RCOR1: variants seen among roughly 807,000 people sequenced by gnomAD.
RCOR1 encodes REST corepressor 1, also known as REST corepressor.
A neutral mutation model predicts 64.0 loss-of-function variants in RCOR1; 12 were observed. That is an observed-to-expected ratio of 0.19 (90% CI 0.12 to 0.30). The LOEUF is 0.30. Among genes scored for constraint, RCOR1 ranks in the 10% least tolerant of loss-of-function variants. The probability of loss-of-function intolerance (pLI) is 1.00; values close to 1 mark genes in which losing one functional copy is unlikely to be tolerated. For missense variants in RCOR1, 502 were observed against 621.2 expected, an observed-to-expected ratio of 0.81 and a Z score of 2.04; for synonymous variants, 279 against 227.2, an observed-to-expected ratio of 1.23 and a Z score of -2.05.
intron 2 of RCOR1, among the ~76,000 whole-genome samples, chr14:102,642,557 G>A (rs1442312916): frequency 1.3e-5 from 2 of 152,178 alleles, no homozygotes; most frequent in East Asian, 3.8e-4. Context: ...AATCTGGGCT[G>A]GGCATGGTGG....
intron 2 of RCOR1, among the ~76,000 whole-genome samples, chr14:102,674,864 T>C (rs1895107546): frequency 6.6e-6 from 1 of 151,800 alleles, no homozygotes; most frequent in African/African-American, 2.4e-5. Flanking sequence ...CATGAGACCA[T>C]CCTGGCTAAC....
At chr14:102,612,846 A>G (rs532929458) in intron 2 of RCOR1, among the ~76,000 whole-genome samples, 13 of 151,166 alleles carry the variant, frequency 8.6e-5, no homozygotes, top group African/African-American at 3.2e-4. Flanking sequence ...AGTCCTGGCT[A>G]CTTGGGAGGT....
At chr14:102,701,783 A>T (rs1466378914) in intron 4 of RCOR1, among the ~76,000 whole-genome samples, 2 of 152,184 alleles carry the variant, frequency 1.3e-5, no homozygotes, top group Non-Finnish European at 2.9e-5. Flanking sequence ...GCAGTGGCGC[A>T]TCTCAGCTCA....
At position 102,711,025 on chromosome 14, in the gene RCOR1, C is replaced by A; in HGVS notation, c.858+12C>A. The A allele has an allele frequency of 6.4e-7, 1 of 1,556,400 alleles. No homozygotes were observed. Among genetic ancestry groups the A allele is most frequent in the South Asian group, 1.2e-5 (1 of 85,012 alleles). On this transcript the variant is annotated intron_variant, in intron 7 of 11. Transcript: ENST00000262241. ...AAAGCAAAAAGGAGGTATTTTTTCC[C>A]CCTAGTATTGTTTAGGCGAATAAAT...
intron 6 of RCOR1, 84 bp from the exon 7 acceptor site, chr14:102,710,851 A>C: frequency 1.1e-6 from 1 of 934,572 alleles, no homozygotes; most frequent in South Asian, 1.5e-5. Flanking sequence ...AATTAGTACA[A>C]AATTTTCAGT....
intron 2 of RCOR1, among the ~76,000 whole-genome samples, chr14:102,654,292 T>C (rs182206004): frequency 6.6e-6 from 1 of 152,120 alleles, no homozygotes; most frequent in African/African-American, 2.4e-5. Flanking sequence ...CGGCCAGGTA[T>C]TTTTTTATAG....
At chr14:102,673,112 G>C (rs906376782) in intron 2 of RCOR1, among the ~76,000 whole-genome samples, 4 of 152,120 alleles carry the variant, frequency 2.6e-5, no homozygotes, top group Non-Finnish European at 2.9e-5. Context: ...TTAAATGCCT[G>C]TTAACCTGAT....
intron 2 of RCOR1, among the ~76,000 whole-genome samples, chr14:102,598,149 T>G (rs1468038177): frequency 1.3e-5 from 2 of 152,086 alleles, no homozygotes; most frequent in East Asian, 1.9e-4. Flanking sequence ...TAGAGATGGG[T>G]TTCACCATGT....
chr14:102,694,582 A>T (rs1895607238), intron 3 of RCOR1, among the ~76,000 whole-genome samples: 1 of 152,192 alleles, frequency 6.6e-6, no homozygotes, highest in South Asian at 2.1e-4. Context: ...GCCAAGAAAT[A>T]GCATTTTTAT....
intron 2 of RCOR1, among the ~76,000 whole-genome samples, chr14:102,634,843 C>T (rs758981071): frequency 1.1e-4 from 17 of 151,166 alleles, no homozygotes; most frequent in African/African-American, 3.9e-4. Flanking sequence ...ATTACAGGCA[C>T]GTGCCACCAT....
intron 7 of RCOR1, among the ~76,000 whole-genome samples, chr14:102,712,601 A>G (rs1392074869): frequency 1.3e-5 from 2 of 149,336 alleles, no homozygotes; most frequent in African/African-American, 4.9e-5. Flanking sequence ...GATTTTTTTC[A>G]TTAGAACCGA....
intron 2 of RCOR1, among the ~76,000 whole-genome samples, chr14:102,672,245 C>T (rs936857332): frequency 9.9e-5 from 15 of 152,078 alleles, no homozygotes; most frequent in Admixed American, 7.9e-4. Flanking sequence ...TGGAGTCTCG[C>T]TCTGTTGCCC....
rs149911097 is a variant in RCOR1 at position 102,687,910 on chromosome 14, C to G, written c.445+5932C>G. On this transcript the variant is annotated intron_variant, in intron 3 of 11. Coordinates refer to ENST00000262241, the MANE Select transcript of RCOR1 (RefSeq NM_015156.4). The stretch of plus-strand genomic sequence containing the variant: ...ATGTGGAAGAATGAGTAGGAGTTTG[C>G]TGGCTGGACCAGGGGCATAAGTGCA... Among the ~76,000 whole-genome samples, 271 of 151,240 alleles carry G rather than the reference C, an allele frequency of 1.8e-3. 2 individuals carry two copies. Among genetic ancestry groups the G allele is most frequent in the Non-Finnish European group, 2.7e-3 (186 of 67,942 alleles).
intron 2 of RCOR1, among the ~76,000 whole-genome samples, chr14:102,617,881 C>A (rs1893794768): frequency 6.6e-6 from 1 of 151,812 alleles, no homozygotes; most frequent in Non-Finnish European, 1.5e-5. Flanking sequence ...AGCCACCGTG[C>A]CTGGCCCAAG....
intron 2 of RCOR1, among the ~76,000 whole-genome samples, chr14:102,643,895 G>C (rs1305177179): frequency 1.3e-5 from 2 of 152,170 alleles, no homozygotes; most frequent in East Asian, 1.9e-4. Context: ...TTCTTCTTTG[G>C]GAGAAAACTG....
chr14:102,684,377 G>T (rs1426175674), intron 3 of RCOR1, among the ~76,000 whole-genome samples: 1 of 152,192 alleles, frequency 6.6e-6, no homozygotes, highest in Non-Finnish European at 1.5e-5. Flanking sequence ...GCCTTGGGGT[G>T]CATGAGACCT....
intron 3 of RCOR1, among the ~76,000 whole-genome samples, chr14:102,683,480 A>G (rs1895346348): frequency 1.3e-5 from 2 of 152,258 alleles, no homozygotes; most frequent in African/African-American, 2.4e-5. Flanking sequence ...AAAAGAAGCC[A>G]GAGCAGCGCC....
At chr14:102,601,072 C>A (rs1893386117) in intron 2 of RCOR1, among the ~76,000 whole-genome samples, 1 of 151,924 alleles carries the variant, frequency 6.6e-6, no homozygotes, top group Non-Finnish European at 1.5e-5. Context: ...GCCTGTAATC[C>A]CAGCTACTCA....
chr14:102,705,971 G>A (rs537836583), intron 4 of RCOR1, among the ~76,000 whole-genome samples: 12 of 151,398 alleles, frequency 7.9e-5, no homozygotes, highest in South Asian at 2.1e-4. Flanking sequence ...AACTAGCTGC[G>A]CATGGTGGCA....
Sources: gnomAD v4.1 joint callset for allele counts (sites outside exome capture counted in the v4.1 genomes callset) on GRCh38, gnomAD v4.1.1 for gene constraint, MANE v1.5 for transcripts, NCBI Gene and HGNC (gene_info 2026-07-23, HGNC 2026-07-21) for gene names.